PDZD2: variants seen among roughly 807,000 people sequenced by gnomAD.
PDZD2 encodes the protein PDZ domain-containing protein 2.
PDZD2 carries 90 observed loss-of-function variants against 220.7 expected under a neutral mutation model. The observed-to-expected ratio is 0.41, with a 90% CI of 0.34 to 0.49. The LOEUF (loss-of-function observed/expected upper bound fraction) is 0.49. PDZD2 is among the 20% of genes least tolerant of loss of function. PDZD2 has a pLI of 0.28. For synonymous variants in PDZD2, 1,375 were observed against 1,450.5 expected, an observed-to-expected ratio of 0.95 and a Z score of 1.18; for missense variants, 3,174 against 3,608.5, an observed-to-expected ratio of 0.88 and a Z score of 3.08.
intron 20 of PDZD2, among the ~76,000 whole-genome samples, chr5:32,092,701 C>T (rs1259924306): frequency 6.6e-6 from 1 of 152,220 alleles, no homozygotes; most frequent in Non-Finnish European, 1.5e-5. Flanking sequence ...AGCAGTTCCC[C>T]TTGCCATTGG....
Position 31,852,930 on chromosome 5 carries a change from A to G in PDZD2, c.476+53206A>G, listed in dbSNP as rs903952489. Among the ~76,000 whole-genome samples, 13 of 152,328 alleles carry G rather than the reference A, an allele frequency of 8.5e-5. No individual in the cohort carries two copies. In the East Asian group the frequency reaches 1.7e-3, roughly 20 times the overall value. On this transcript the variant is annotated intron_variant, in intron 2 of 24. Transcript: ENST00000438447. ...TACTTTAAACAGCATTGATGTACAC[A>G]TCATCAATTATGTACCTGGATTGAA...
At position 32,000,398 on chromosome 5, in the gene PDZD2, A is replaced by G. The variant is rs1453146013; in HGVS notation, c.1254+127A>G. ...CTTGTACGTTTGCCTTGGGCTATTG[A>G]AACAGCCTTGCTTCCACAGGGCAAC... On this transcript the variant is annotated intron_variant, in intron 5 of 24. Transcript: ENST00000438447. The surrounding 1 kb of genome is among the most constrained non-coding windows in gnomAD (Gnocchi z 4.5). 1 of 995,328 alleles carries G rather than the reference A, an allele frequency of 1.0e-6. No homozygotes were observed. Among genetic ancestry groups the G allele is most frequent in the Admixed American group, 1.8e-5 (1 of 54,188 alleles). The allele number at this position is 995,328 out of a possible 1,614,324, so 61.7% of individuals were successfully genotyped here.
chr5:31,877,314 C>T (rs1483057003), intron 2 of PDZD2, among the ~76,000 whole-genome samples: 2 of 152,066 alleles, frequency 1.3e-5, no homozygotes, highest in Non-Finnish European at 2.9e-5. Context: ...CTCTCGGGCT[C>T]AAGCGATTCT....
chr5:31,981,129 C>T (rs1287090434), intron 2 of PDZD2, among the ~76,000 whole-genome samples: 2 of 152,112 alleles, frequency 1.3e-5, no homozygotes, highest in Admixed American at 1.3e-4. Context: ...GTATTTTGCA[C>T]GGTGACCTGG....
chr5:31,671,055 G>A (rs1206110460), intron 1 of PDZD2, among the ~76,000 whole-genome samples: 2 of 152,072 alleles, frequency 1.3e-5, no homozygotes, highest in Non-Finnish European at 2.9e-5. Context: ...CAGGGAGAGA[G>A]GCAGAACTGT....
At position 32,087,878 on chromosome 5, in the gene PDZD2, G is replaced by A; in HGVS notation, c.4430G>A (p.Gly1477Glu). The A allele has an allele frequency of 1.2e-6, 2 of 1,612,720 alleles. No individual in the cohort carries two copies. The highest frequency in any genetic ancestry group is 1.7e-6 in the Non-Finnish European group (2 of 1,179,554). ...GSSCRAEPVP[G>E]GQTSSPRRAW... is the part of the protein sequence containing the mutation. ...TCCTGCCGTGCCGAACCAGTCCCGGGGGGCCAGACCTCCTCCCCGAGGAGG... is the reference window on the plus strand; with the variant it reads ...TCCTGCCGTGCCGAACCAGTCCCGGAGGGCCAGACCTCCTCCCCGAGGAGG... The change falls in exon 20 of 25, where the codon GGG becomes GAG. Residue 1477 changes from glycine (G) to glutamate (E), a missense_variant. Gly to Glu is a moderately conservative substitution (Grantham distance 98). Transcript: ENST00000438447. This position sits in a 1 kb window ranked among gnomAD's most constrained non-coding sequence, Gnocchi z 4.0.
At chr5:31,874,998 C>T (rs965295239) in intron 2 of PDZD2, among the ~76,000 whole-genome samples, 1 of 152,128 alleles carries the variant, frequency 6.6e-6, no homozygotes, top group African/African-American at 2.4e-5. Context: ...ATGCTATGTA[C>T]TGTTTATAGA....
At chr5:31,704,162 A>AC (rs1747720555) in intron 1 of PDZD2, among the ~76,000 whole-genome samples, 2 of 152,004 alleles carry the variant, frequency 1.3e-5, no homozygotes. Context: ...ACAGGAATGC[A>AC]CTGTCATGTC....
At position 31,792,543 on chromosome 5, in the gene PDZD2, C is replaced by T. The variant is rs146146668; in HGVS notation, c.-360-6346C>T. Among the ~76,000 whole-genome samples the T allele has an allele frequency of 5.7e-3, 866 of 152,126 alleles. 9 individuals carry two copies. Among genetic ancestry groups the T allele is most frequent in the African/African-American group, 0.019 (798 of 41,488 alleles). On this transcript the variant is annotated intron_variant, in intron 1 of 24. Coordinates refer to ENST00000438447, the MANE Select transcript of PDZD2 (RefSeq NM_178140.4). ...AAGCAATTCTCATGCCCCAGCCTCC[C>T]GAAGAAGCTGGGATTACAGGTGCAT...
rs1202109766 is a variant in PDZD2, at chr5:31,850,634, CTT to C, written c.476+50929_476+50930del. 5.9e-4 allele frequency among the ~76,000 whole-genome samples: 70 copies of C among 118,274 alleles called. 1 individual carries two copies. The highest frequency in any genetic ancestry group is 1.1e-3 in the South Asian group (4 of 3,548). 77.6% of individuals were successfully genotyped at this position (118,274 alleles called of 152,430 possible). A position where few individuals can be genotyped will look rare whatever the true frequency, so the allele number is the denominator to read the frequency against. On this transcript the variant is annotated intron_variant, in intron 2 of 24. Transcript: ENST00000438447. ...GTCGTCTTTACATTGTACCCAAATT[CTT>C]TTTTTTTTTTTTTTTTTTGAGACGG...
At chr5:31,749,116 T>C (rs539247749) in intron 1 of PDZD2, among the ~76,000 whole-genome samples, 11 of 152,334 alleles carry the variant, frequency 7.2e-5, no homozygotes, top group African/African-American at 2.6e-4. Context: ...TATTCACTTC[T>C]TACATTTTGC....
At chr5:31,774,814 AC>A (rs1368867753) in intron 1 of PDZD2, among the ~76,000 whole-genome samples, 2 of 152,164 alleles carry the variant, frequency 1.3e-5, no homozygotes, top group Non-Finnish European at 2.9e-5. Context: ...TTACTTCCTG[AC>A]TTTTTACACA....
chr5:31,852,605 T>C (rs1008378978), intron 2 of PDZD2, among the ~76,000 whole-genome samples: 11 of 147,772 alleles, frequency 7.4e-5, no homozygotes, highest in Admixed American at 2.7e-4. Flanking sequence ...TGTATTTATT[T>C]TATGTTTTTG....
At chr5:31,911,887 C>T (rs1012419648) in intron 2 of PDZD2, among the ~76,000 whole-genome samples, 3 of 152,202 alleles carry the variant, frequency 2.0e-5, no homozygotes, top group Non-Finnish European at 4.4e-5. Context: ...ACTCACACTG[C>T]ATCCAGGTTA....
At chr5:31,697,136 A>G (rs1246895951) in intron 1 of PDZD2, among the ~76,000 whole-genome samples, 1 of 152,216 alleles carries the variant, frequency 6.6e-6, no homozygotes, top group Non-Finnish European at 1.5e-5. Flanking sequence ...TTTTCAGACC[A>G]TAGAAGCATT....
chr5:31,939,088 G>A (rs1746004240), intron 2 of PDZD2, among the ~76,000 whole-genome samples: 1 of 152,140 alleles, frequency 6.6e-6, no homozygotes, highest in South Asian at 2.1e-4. Flanking sequence ...AACAAGTGAG[G>A]AAGGATGAAA....
In PDZD2 at chr5:31,753,836, G is replaced by C. The variant is rs112302139; in HGVS notation, c.-360-45053G>C. Among the ~76,000 whole-genome samples, 1,169 of 152,272 alleles carry C rather than the reference G, an allele frequency of 7.7e-3. 14 individuals carry two copies. The highest frequency in any genetic ancestry group is 0.027 in the African/African-American group (1,107 of 41,548). On this transcript the variant is annotated intron_variant, in intron 1 of 24. Coordinates refer to ENST00000438447, the MANE Select transcript of PDZD2 (RefSeq NM_178140.4). ...TCACAGAGGTGTTAGGCCTTCTCCC[G>C]CTGAGGAAGATAAATAAACTTATTT... is the stretch of plus-strand genomic sequence containing the variant.
At chr5:31,941,399 G>A (rs539679308) in intron 2 of PDZD2, among the ~76,000 whole-genome samples, 2 of 152,306 alleles carry the variant, frequency 1.3e-5, no homozygotes, top group African/African-American at 2.4e-5. Context: ...TGTAACAGAT[G>A]CAAGACAGTT....
chr5:31,657,280 G>A (rs1745589184), intron 1 of PDZD2: 1 of 152,284 alleles, frequency 6.6e-6, no homozygotes, highest in Non-Finnish European at 1.5e-5. Context: ...GGTGCTATGT[G>A]GACTGGACAG....
Sources: allele counts gnomAD v4.1 joint callset (sites outside exome capture counted in the v4.1 genomes callset), GRCh38; gene constraint gnomAD v4.1.1; non-coding constraint Gnocchi (gnomAD v3.1); transcripts MANE v1.5; gene names NCBI Gene and HGNC (gene_info 2026-07-23, HGNC 2026-07-21).